The following CCNY variants were observed in gnomAD, a reference collection of about 807,000 sequenced individuals.
The protein encoded by CCNY is cyclin-Y.
Under a neutral mutation model 42.8 loss-of-function variants are expected in CCNY, and 19 were observed. The observed-to-expected ratio is 0.44, with a 90% CI of 0.31 to 0.65. The LOEUF is 0.65. CCNY is among the 30% of genes least tolerant of loss of function. CCNY has a pLI of 0.07. For missense variants in CCNY, 370 were observed against 437.3 expected, an observed-to-expected ratio of 0.85 and a Z score of 1.37; for synonymous variants, 165 against 162.7, an observed-to-expected ratio of 1.01 and a Z score of -0.11.
chr10:35,452,177 GA>G (rs559416073), intron 1 of CCNY, among the ~76,000 whole-genome samples: 119 of 152,252 alleles, frequency 7.8e-4, no homozygotes, highest in South Asian at 6.6e-3. Context: ...TTTACATATT[GA>G]AGTTGCAGTT....
intron 1 of CCNY, among the ~76,000 whole-genome samples, chr10:35,421,156 GGCCGCTTCTGGAGAA>G (rs1838151786): frequency 6.6e-6 from 1 of 152,232 alleles, no homozygotes; most frequent in South Asian, 2.1e-4. Context: ...GGGTTGGACA[GGCCGCTTCTGGAGAA>G]GCCCACTCAG....
At chr10:35,475,140 A>G (rs961640275) in intron 1 of CCNY, among the ~76,000 whole-genome samples, 13 of 152,220 alleles carry the variant, frequency 8.5e-5, no homozygotes, top group African/African-American at 3.1e-4. Flanking sequence ...GGACTATGTG[A>G]AAAGACCAAA....
At chr10:35,467,944 C>T (rs963915714) in intron 1 of CCNY, among the ~76,000 whole-genome samples, 8 of 152,206 alleles carry the variant, frequency 5.3e-5, no homozygotes, top group African/African-American at 1.9e-4. Context: ...TTTCAGGTCA[C>T]CAGTTCTACA....
intron 3 of CCNY, among the ~76,000 whole-genome samples, chr10:35,253,903 T>C (rs2095713715): frequency 7.0e-6 from 1 of 143,430 alleles, no homozygotes; most frequent in South Asian, 2.2e-4. Context: ...TGAGACGGAG[T>C]CTCACTCTGT....
intron 8 of CCNY, among the ~76,000 whole-genome samples, chr10:35,559,176 G>C (rs1304794408): frequency 6.6e-6 from 1 of 152,224 alleles, no homozygotes; most frequent in Non-Finnish European, 1.5e-5. Flanking sequence ...GAATGTCCAA[G>C]GTGCTTATGG....
At chr10:35,504,699 C>T (rs1415489691) in intron 3 of CCNY, among the ~76,000 whole-genome samples, 3 of 152,112 alleles carry the variant, frequency 2.0e-5, no homozygotes, top group Admixed American at 6.5e-5. Flanking sequence ...GGCATTGGTA[C>T]GATCTTGGCT....
At chr10:35,263,288 T>C (rs1565056711) in intron 3 of CCNY, among the ~76,000 whole-genome samples, 1 of 126,662 alleles carries the variant, frequency 7.9e-6, no homozygotes, top group East Asian at 2.3e-4. Flanking sequence ...ACCCAGGAGG[T>C]GGAGCTTGCA....
chr10:35,270,371 A>C (rs1346621187), intron 3 of CCNY, among the ~76,000 whole-genome samples: 1 of 152,156 alleles, frequency 6.6e-6, no homozygotes, highest in African/African-American at 2.4e-5. Context: ...AAAAACATTC[A>C]AATCTAGCAC....
At chr10:35,342,642 G>A (rs1290423353) in intron 1 of CCNY, among the ~76,000 whole-genome samples, 2 of 152,218 alleles carry the variant, frequency 1.3e-5, no homozygotes, top group African/African-American at 4.8e-5. Flanking sequence ...GATGATGGTA[G>A]TAGAATTTAC....
rs1227461249 is a variant in CCNY at position 35,336,602 on chromosome 10, G to A, written c.-452G>A. Among the ~76,000 whole-genome samples the A allele has an allele frequency of 6.7e-6, 1 of 148,390 alleles. No homozygotes were observed. The highest frequency in any genetic ancestry group is 1.5e-5 in the Non-Finnish European group (1 of 66,552). On this transcript the variant is annotated 5_prime_UTR_variant, in exon 1 of 10. Transcript: ENST00000374704. The stretch of plus-strand genomic sequence containing the variant: ...CGCTCGTCGGCTAGTCCCGCCGTCC[G>A]GCGCGGACACGCGTGCCCCCGGCTT...
At chr10:35,418,916 G>T (rs1303205147) in intron 1 of CCNY, among the ~76,000 whole-genome samples, 3 of 152,008 alleles carry the variant, frequency 2.0e-5, no homozygotes, top group Non-Finnish European at 4.4e-5. Flanking sequence ...CGCCTCCTGG[G>T]TTCAAGCAAT....
intron 1 of CCNY, among the ~76,000 whole-genome samples, chr10:35,405,094 T>C (rs903738092): frequency 2.0e-5 from 3 of 152,134 alleles, no homozygotes; most frequent in Non-Finnish European, 4.4e-5. Flanking sequence ...GACAATTTAG[T>C]TGATAAGGTG....
chr10:35,390,997 A>G (rs1469769847), intron 1 of CCNY, among the ~76,000 whole-genome samples: 1 of 152,188 alleles, frequency 6.6e-6, no homozygotes, highest in Non-Finnish European at 1.5e-5. Context: ...TACAGACTCC[A>G]CCACTTACTA....
intron 8 of CCNY, among the ~76,000 whole-genome samples, chr10:35,560,624 T>C (rs1841447635): frequency 1.3e-5 from 2 of 152,122 alleles, no homozygotes; most frequent in Non-Finnish European, 2.9e-5. Context: ...TTACAGCAGC[T>C]CTTGCAAACT....
rs1006826703 is a variant in CCNY, at chr10:35,324,307, C to T, written c.-9+73681C>T. On this transcript the variant is annotated intron_variant, in intron 3 of 11. Coordinates refer to the CCNY transcript ENST00000374706. ...TACTCCTCTGCCAATGCCTTCCTTA[C>T]ATCATCCACTGGAGAAAATTACTGC... Among the ~76,000 whole-genome samples, 16 of 152,298 alleles carry T rather than the reference C, an allele frequency of 1.1e-4. No homozygotes were observed. The East Asian group carries it at 3.1e-3, about 29-fold the overall frequency.
intron 1 of CCNY, among the ~76,000 whole-genome samples, chr10:35,459,550 A>G (rs1452624080): frequency 6.6e-6 from 1 of 152,210 alleles, no homozygotes; most frequent in Non-Finnish European, 1.5e-5. Flanking sequence ...CTTCCCAGGC[A>G]TGATGACACT....
chr10:35,355,412 C>G (rs974172681), intron 1 of CCNY, among the ~76,000 whole-genome samples: 3 of 151,942 alleles, frequency 2.0e-5, no homozygotes, highest in Admixed American at 2.0e-4. Context: ...TGCGGTGGCT[C>G]CTGCCTTGTA....
intron 3 of CCNY, among the ~76,000 whole-genome samples, chr10:35,269,617 C>CTT (rs1316358097): frequency 7.3e-4 from 95 of 130,718 alleles, no homozygotes; most frequent in Non-Finnish European, 8.9e-4. Context: ...GTTCGCCACT[C>CTT]TTTTTTTTTT....
At chr10:35,459,054 A>G (rs1027072167) in intron 1 of CCNY, among the ~76,000 whole-genome samples, 2 of 152,260 alleles carry the variant, frequency 1.3e-5, no homozygotes, top group African/African-American at 2.4e-5. Flanking sequence ...AATTCTGCTT[A>G]GCATGTGGAG....
Sources: gnomAD v4.1 joint callset for allele counts (sites outside exome capture counted in the v4.1 genomes callset) on GRCh38, gnomAD v4.1.1 for gene constraint, MANE v1.5 for transcripts, NCBI Gene and HGNC (gene_info 2026-07-23, HGNC 2026-07-21) for gene names.